The following DLGAP2 variants were observed in gnomAD, a reference collection of about 807,000 sequenced individuals.
DLGAP2 encodes DLG associated protein 2.
In DLGAP2, 26 loss-of-function variants were observed where a neutral mutation model predicts 100.3. That is an observed-to-expected ratio of 0.26 (90% confidence interval 0.19 to 0.36). The LOEUF (loss-of-function observed/expected upper bound fraction) is 0.36, where lower values mean the gene tolerates loss of function less well. Among genes scored for constraint, DLGAP2 ranks in the 10% least tolerant of loss-of-function variants. DLGAP2 has a pLI of 1.00. For missense variants in DLGAP2, 1,858 were observed against 1,453.2 expected (o/e 1.28, Z -4.53); for synonymous variants, 886 against 630.1 (o/e 1.41, Z -6.08).
chr8:1,360,833 G>C (rs1169035433), intron 3 of DLGAP2, among the ~76,000 whole-genome samples: 1 of 152,172 alleles, frequency 6.6e-6, no homozygotes, highest in African/African-American at 2.4e-5. Flanking sequence ...GGCAGGGCGT[G>C]GGCCGTCTGC....
Position 1,706,789 on chromosome 8 carries a change from C to G in DLGAP2, c.*5383C>G, listed in dbSNP as rs1181859266. On this transcript the variant is annotated 3_prime_UTR_variant, in exon 15 of 15. Transcript: ENST00000637795. The stretch of plus-strand genomic sequence containing the variant: ...GGGAAACATCAGGAACGAAATCAGA[C>G]ACACTGACTCAAACCACGCAAGGGT... The G allele has an allele frequency of 1.3e-5, 2 of 152,174 alleles. No homozygotes were observed. Among genetic ancestry groups the G allele is most frequent in the African/African-American group, 4.8e-5 (2 of 41,460 alleles). 9.4% of individuals were successfully genotyped at this position (152,174 alleles called of 1,614,324 possible).
intron 4 of DLGAP2, among the ~76,000 whole-genome samples, chr8:1,519,943 C>T (rs1422311403): frequency 2.0e-5 from 3 of 152,216 alleles, no homozygotes; most frequent in Admixed American, 6.5e-5. Flanking sequence ...CCCACACCTG[C>T]CCTGGGAGCC....
At chr8:1,658,165 C>G (rs756291489) in intron 8 of DLGAP2, among the ~76,000 whole-genome samples, 18 of 152,210 alleles carry the variant, frequency 1.2e-4, no homozygotes, top group Admixed American at 2.0e-4. Context: ...GGGCTCCACC[C>G]TCCACCTGGC....
chr8:1,380,510 G>A (rs1365084468), intron 3 of DLGAP2, among the ~76,000 whole-genome samples: 2 of 151,632 alleles, frequency 1.3e-5, no homozygotes, highest in East Asian at 2.0e-4. Flanking sequence ...AAAGACTTGT[G>A]ATAAGCGAGG....
At chr8:1,368,610 A>G (rs894295910) in intron 3 of DLGAP2, 6 of 152,212 alleles carry the variant, frequency 3.9e-5, no homozygotes, top group Admixed American at 3.3e-4. Flanking sequence ...ATAAAGGCAA[A>G]TCTTTCAAGA....
Position 953,580 on chromosome 8 carries a change from T to C in DLGAP2, c.73+45614T>C, listed in dbSNP as rs566330917. ...TCAGTTGTTTTTCTGAAAGTTATAGTGTCTTTGATTCTTTTTTAAAAATAG... is the reference window on the plus strand; with the variant it reads ...TCAGTTGTTTTTCTGAAAGTTATAGCGTCTTTGATTCTTTTTTAAAAATAG... On this transcript the variant is annotated intron_variant, in intron 2 of 14. Transcript: ENST00000637795. Among the ~76,000 whole-genome samples, 56 of 152,250 alleles carry C rather than the reference T, an allele frequency of 3.7e-4. 1 individual carries two copies. Among genetic ancestry groups the C allele is most frequent in the Non-Finnish European group, 5.6e-4 (38 of 68,050 alleles).
chr8:1,295,921 C>CT (rs1800161974), intron 3 of DLGAP2: 1 of 152,226 alleles, frequency 6.6e-6, no homozygotes, highest in Non-Finnish European at 1.5e-5. Flanking sequence ...CACAACATGC[C>CT]TGCAGGCTAC....
At chr8:1,254,933 C>CCTCTCCTGCCCGCGTGCTGTGTGTGTGCT (rs1799141408) in intron 2 of DLGAP2, among the ~76,000 whole-genome samples, 2 of 133,952 alleles carry the variant, frequency 1.5e-5, no homozygotes, top group African/African-American at 5.6e-5. Context: ...GTGTGTGTGC[C>CCTCTCCTGCCCGCGTGCTGTGTGTGTGCT]CTCTCCTGCC....
At chr8:1,291,859 C>A (rs1005238872) in intron 3 of DLGAP2, among the ~76,000 whole-genome samples, 2 of 152,170 alleles carry the variant, frequency 1.3e-5, no homozygotes, top group Non-Finnish European at 2.9e-5. Flanking sequence ...ATGGCTTAGT[C>A]TAATCACCCA....
chr8:1,489,421 C>T lies in DLGAP2; in HGVS notation c.107-11945C>T, dbSNP rs534059687. Among the ~76,000 whole-genome samples, 48 of 152,164 alleles carry T rather than the reference C, an allele frequency of 3.2e-4. 1 individual carries two copies. Among genetic ancestry groups the T allele is most frequent in the Non-Finnish European group, 1.6e-4 (11 of 68,038 alleles). The stretch of plus-strand genomic sequence containing the variant: ...TGGTGCCATTATCTGTGTGAGGGAA[C>T]AGCAGTCACTCGGGGCTGACCCACG... On this transcript the variant is annotated intron_variant, in intron 3 of 14. Coordinates refer to ENST00000637795, the MANE Select transcript of DLGAP2 (RefSeq NM_001346810.2).
intron 3 of DLGAP2, among the ~76,000 whole-genome samples, chr8:1,274,558 T>G (rs1013681949): frequency 6.6e-6 from 1 of 151,366 alleles, no homozygotes; most frequent in African/African-American, 2.4e-5. Flanking sequence ...TTTTAGAACA[T>G]AAACCATAAA....
intron 3 of DLGAP2, among the ~76,000 whole-genome samples, chr8:1,263,300 T>C (rs1356171984): frequency 6.6e-6 from 1 of 152,204 alleles, no homozygotes; most frequent in African/African-American, 2.4e-5. Flanking sequence ...CTAAGTAGTT[T>C]AAGGTAAGAG....
At chr8:855,799 G>C (rs1348780791) in intron 1 of DLGAP2, among the ~76,000 whole-genome samples, 1 of 152,156 alleles carries the variant, frequency 6.6e-6, no homozygotes, top group Non-Finnish European at 1.5e-5. Context: ...AAGAAGAGAA[G>C]TCCTGTGGTC....
intron 3 of DLGAP2, among the ~76,000 whole-genome samples, chr8:1,335,022 T>G (rs1801243026): frequency 6.6e-6 from 1 of 152,186 alleles, no homozygotes; most frequent in African/African-American, 2.4e-5. Flanking sequence ...AGCATCTAAG[T>G]AAATCGTAGC....
At chr8:1,641,742 T>C (rs945680429) in intron 8 of DLGAP2, among the ~76,000 whole-genome samples, 1 of 152,152 alleles carries the variant, frequency 6.6e-6, no homozygotes, top group Non-Finnish European at 1.5e-5. Flanking sequence ...TAACATCTTA[T>C]CACCCAGAAA....
At chr8:1,156,422 T>G (rs963099617) in intron 2 of DLGAP2, among the ~76,000 whole-genome samples, 1 of 152,202 alleles carries the variant, frequency 6.6e-6, no homozygotes, top group Non-Finnish European at 1.5e-5. Flanking sequence ...GCACACACAG[T>G]GTCCCTGTCA....
At chr8:1,467,118 G>T (rs73534677) in intron 3 of DLGAP2, among the ~76,000 whole-genome samples, 3 of 150,028 alleles carry the variant, frequency 2.0e-5, no homozygotes, top group African/African-American at 2.5e-5. Flanking sequence ...AGGGAGGGAG[G>T]GTCCGGCAGG....
chr8:1,531,988 A>G (rs1200506833), intron 4 of DLGAP2, among the ~76,000 whole-genome samples: 1 of 152,206 alleles, frequency 6.6e-6, no homozygotes. Context: ...AGACATTAAT[A>G]TACGTAAGAA....
intron 3 of DLGAP2, among the ~76,000 whole-genome samples, chr8:1,359,432 G>A (rs1048443068): frequency 3.3e-5 from 5 of 152,270 alleles, no homozygotes; most frequent in African/African-American, 7.2e-5. Flanking sequence ...AGGAAGTAAG[G>A]ACAGGTTGGA....
Sources: allele counts gnomAD v4.1 joint callset (sites outside exome capture counted in the v4.1 genomes callset), GRCh38; gene constraint gnomAD v4.1.1; transcripts MANE v1.5; gene names NCBI Gene and HGNC (gene_info 2026-07-23, HGNC 2026-07-21).